LRRIQ1: variants seen among roughly 807,000 people sequenced by gnomAD.
LRRIQ1 encodes the protein leucine-rich repeat- and IQ domain-containing protein 1.
In LRRIQ1, 210 loss-of-function variants were observed where a neutral mutation model predicts 211.9. The observed-to-expected ratio is 0.99, with a 90% CI of 0.89 to 1.11. The LOEUF (loss-of-function observed/expected upper bound fraction) is 1.11, where lower values mean the gene tolerates loss of function less well. Ranked by LOEUF, LRRIQ1 falls within the 50% of genes most tolerant of loss-of-function variation. The pLI, the probability that LRRIQ1 is intolerant of heterozygous loss-of-function variation, is 0.00. For synonymous variants in LRRIQ1, 699 were observed against 650.1 expected, an observed-to-expected ratio of 1.08 and a Z score of -1.14; for missense variants, 2,136 against 1,939.5, an observed-to-expected ratio of 1.10 and a Z score of -1.90.
At chr12:85,071,168 G>A (rs1020031016) in intron 10 of LRRIQ1, among the ~76,000 whole-genome samples, 5 of 151,504 alleles carry the variant, frequency 3.3e-5, no homozygotes, top group East Asian at 1.9e-4. Flanking sequence ...CTCTTCTCTC[G>A]CATTTACTCT....
chr12:85,158,724 A>C (rs1022144915), intron 23 of LRRIQ1, among the ~76,000 whole-genome samples: 2 of 151,964 alleles, frequency 1.3e-5, no homozygotes, highest in African/African-American at 4.8e-5. Context: ...CTGGGAGATA[A>C]AAAGATTTAT....
At chr12:85,103,779 C>T (rs561479107) in intron 13 of LRRIQ1, among the ~76,000 whole-genome samples, 6 of 151,458 alleles carry the variant, frequency 4.0e-5, no homozygotes, top group Admixed American at 6.6e-5. Context: ...GAATAGAAGT[C>T]TTCCATCATA....
At chr12:85,198,002 C>T (rs1314502438) in intron 24 of LRRIQ1, among the ~76,000 whole-genome samples, 14 of 54,340 alleles carry the variant, frequency 2.6e-4, no homozygotes, top group South Asian at 1.5e-3. Flanking sequence ...TTATATATAA[C>T]ATATATAATA....
intron 15 of LRRIQ1, among the ~76,000 whole-genome samples, chr12:85,108,868 C>T (rs1219791833): frequency 6.6e-6 from 1 of 152,032 alleles, no homozygotes; most frequent in Non-Finnish European, 1.5e-5. Context: ...TACTAAAATA[C>T]ATATTAGGTA....
At chr12:85,241,371 A>G (rs1337977132) in intron 26 of LRRIQ1, among the ~76,000 whole-genome samples, 5 of 152,202 alleles carry the variant, frequency 3.3e-5, no homozygotes, top group South Asian at 2.1e-4. Flanking sequence ...AAAGGAGTTT[A>G]TGAAAAGATG....
intron 19 of LRRIQ1, among the ~76,000 whole-genome samples, chr12:85,149,276 G>T (rs2136646444): frequency 6.6e-6 from 1 of 152,050 alleles, no homozygotes; most frequent in Non-Finnish European, 1.5e-5. Context: ...GGGTTTTTAT[G>T]ATTCGAGGTT....
intron 14 of LRRIQ1, among the ~76,000 whole-genome samples, chr12:85,104,308 A>G (rs1886614965): frequency 6.6e-6 from 1 of 151,974 alleles, no homozygotes; most frequent in African/African-American, 2.4e-5. Context: ...CTTTTATTTA[A>G]AAGTCATACA....
intron 8 of LRRIQ1, among the ~76,000 whole-genome samples, chr12:85,062,574 CT>C (rs141735313): frequency 1.5e-3 from 221 of 145,280 alleles, no homozygotes; most frequent in East Asian, 2.4e-3. Context: ...ATATGTACTA[CT>C]TTTTTTTTTT....
intron 24 of LRRIQ1, among the ~76,000 whole-genome samples, chr12:85,213,629 T>C (rs1893941851): frequency 6.6e-6 from 1 of 152,070 alleles, no homozygotes; most frequent in Admixed American, 6.5e-5. Flanking sequence ...TAAAATCTTA[T>C]GCAGGGTGTT....
chr12:85,073,575 C>T (rs1041724705), intron 11 of LRRIQ1, among the ~76,000 whole-genome samples: 13 of 151,910 alleles, frequency 8.6e-5, no homozygotes, highest in Non-Finnish European at 8.8e-5. Context: ...CAGTGCTGTA[C>T]GAATTTTTTT....
chr12:85,062,912 T>C (rs1882005437), intron 8 of LRRIQ1, among the ~76,000 whole-genome samples: 1 of 151,920 alleles, frequency 6.6e-6, no homozygotes, highest in African/African-American at 2.4e-5. Flanking sequence ...TGTGAGATGG[T>C]ATCTCATTGT....
At chr12:85,072,735 T>C (rs1883225027) in intron 10 of LRRIQ1, among the ~76,000 whole-genome samples, 172 bp from the exon 11 acceptor site, 1 of 152,038 alleles carries the variant, frequency 6.6e-6, no homozygotes, top group Non-Finnish European at 1.5e-5. Flanking sequence ...TACCTGGCCA[T>C]CTTTTTTATT....
chr12:85,212,738 A>G (rs1893895111), intron 24 of LRRIQ1, among the ~76,000 whole-genome samples: 1 of 149,854 alleles, frequency 6.7e-6, no homozygotes, highest in South Asian at 2.1e-4. Context: ...TTCCATAAAT[A>G]TATGGAATAT....
intron 3 of LRRIQ1, among the ~76,000 whole-genome samples, chr12:85,042,598 T>C (rs1879027068): frequency 6.7e-6 from 1 of 150,254 alleles, no homozygotes; most frequent in Non-Finnish European, 1.5e-5. Context: ...ATTTACATTA[T>C]GTATTCATTC....
At chr12:85,122,876 G>T (rs557902040) in intron 16 of LRRIQ1, among the ~76,000 whole-genome samples, 132 of 152,032 alleles carry the variant, frequency 8.7e-4, no homozygotes, top group African/African-American at 3.0e-3. Context: ...GTATGTAAAG[G>T]TGACTCTTCA....
intron 26 of LRRIQ1, among the ~76,000 whole-genome samples, chr12:85,239,429 A>G (rs1205286342): frequency 2.6e-5 from 4 of 151,288 alleles, no homozygotes; most frequent in Middle Eastern, 3.4e-3. Context: ...ATATATATTT[A>G]TATATGTGTT....
At chr12:85,187,964 T>C (rs1446105598) in intron 24 of LRRIQ1, among the ~76,000 whole-genome samples, 1 of 151,832 alleles carries the variant, frequency 6.6e-6, no homozygotes, top group African/African-American at 2.4e-5. Context: ...ATTAAAACAC[T>C]CTCATTGTAC....
intron 25 of LRRIQ1, among the ~76,000 whole-genome samples, chr12:85,230,282 A>T (rs1213300005): frequency 6.6e-6 from 1 of 152,224 alleles, no homozygotes; most frequent in Non-Finnish European, 1.5e-5. Context: ...TAGTTTAAAC[A>T]AGGGAAAATT....
chr12:85,146,930 TA>T (rs1196894547), intron 19 of LRRIQ1, among the ~76,000 whole-genome samples: 8 of 151,784 alleles, frequency 5.3e-5, no homozygotes. Flanking sequence ...AGATCTATAT[TA>T]CCTTCCATGC....
Sources: gnomAD v4.1 joint callset for allele counts (sites outside exome capture counted in the v4.1 genomes callset) on GRCh38, gnomAD v4.1.1 for gene constraint, MANE v1.5 for transcripts, NCBI Gene and HGNC (gene_info 2026-07-23, HGNC 2026-07-21) for gene names.